CACNA2D3: variants seen among roughly 807,000 people sequenced by gnomAD.
The protein encoded by CACNA2D3 is voltage-dependent calcium channel subunit alpha-2/delta-3.
Under a neutral mutation model 160.6 loss-of-function variants are expected in CACNA2D3, and 60 were observed. The observed-to-expected ratio is 0.37, with a 90% CI of 0.30 to 0.46. The LOEUF is 0.46. Among genes scored for constraint, CACNA2D3 ranks in the 20% least tolerant of loss-of-function variants. The pLI, the probability that CACNA2D3 is intolerant of heterozygous loss-of-function variation, is 1.00. For synonymous variants in CACNA2D3, 558 were observed against 492.9 expected (o/e 1.13, Z -1.75); for missense variants, 1,205 against 1,365.0 (o/e 0.88, Z 1.85).
At chr3:54,836,520 C>A (rs1698693555) in intron 14 of CACNA2D3, among the ~76,000 whole-genome samples, 1 of 151,762 alleles carries the variant, frequency 6.6e-6, no homozygotes, top group Non-Finnish European at 1.5e-5. Context: ...AGATGTGAGC[C>A]ACCACGCCTG....
intron 5 of CACNA2D3, among the ~76,000 whole-genome samples, chr3:54,543,341 A>T (rs1004473022): frequency 6.6e-6 from 1 of 152,188 alleles, no homozygotes; most frequent in Admixed American, 6.5e-5. Context: ...TCACATCAGG[A>T]TTTTAACAGT....
At chr3:54,805,954 CAT>C (rs1314583089) in intron 13 of CACNA2D3, among the ~76,000 whole-genome samples, 4 of 152,100 alleles carry the variant, frequency 2.6e-5, no homozygotes, top group Non-Finnish European at 5.9e-5. Flanking sequence ...ACAAAAACCA[CAT>C]GATTATCTCA....
At chr3:55,031,594 C>G (rs1575443705) in intron 35 of CACNA2D3, among the ~76,000 whole-genome samples, 1 of 152,082 alleles carries the variant, frequency 6.6e-6, no homozygotes, top group East Asian at 1.9e-4. Context: ...TTTTCTTTCT[C>G]TTTAGTAACC....
At chr3:54,266,006 TG>T (rs1250528030) in intron 2 of CACNA2D3, among the ~76,000 whole-genome samples, 2 of 152,206 alleles carry the variant, frequency 1.3e-5, no homozygotes, top group African/African-American at 4.8e-5. Context: ...AAGCATTTGA[TG>T]GATGAAGGAC....
Position 54,636,469 on chromosome 3 carries a change from AG to A in CACNA2D3, c.1054-5657del, listed in dbSNP as rs1699373836. Among the ~76,000 whole-genome samples, 2 of 151,976 alleles carry A rather than the reference AG, an allele frequency of 1.3e-5. 1 individual carries two copies. The highest frequency in any genetic ancestry group is 4.1e-4 in the South Asian group (2 of 4,832). ...GCAGAAAGCATATGCGTCAGGTATG[AG>A]GAAGAAAATAGATTTTGGAAGTTAT... On this transcript the variant is annotated intron_variant, in intron 10 of 37. Coordinates refer to ENST00000474759, the MANE Select transcript of CACNA2D3 (RefSeq NM_018398.3).
At chr3:54,147,892 C>T (rs532829355) in intron 2 of CACNA2D3, among the ~76,000 whole-genome samples, 7 of 152,336 alleles carry the variant, frequency 4.6e-5, no homozygotes, top group Non-Finnish European at 7.3e-5. Flanking sequence ...CCACAACCTC[C>T]GCCTCCTGGG....
intron 27 of CACNA2D3, among the ~76,000 whole-genome samples, chr3:54,909,824 A>G (rs866154856): frequency 1.3e-5 from 2 of 152,002 alleles, no homozygotes; most frequent in Non-Finnish European, 2.9e-5. Context: ...GTAAAGGGAG[A>G]CTTCAAGGAG....
chr3:54,331,939 A>G (rs1447979873), intron 3 of CACNA2D3, among the ~76,000 whole-genome samples: 2 of 152,140 alleles, frequency 1.3e-5, no homozygotes, highest in Non-Finnish European at 2.9e-5. Flanking sequence ...CCCTCCCTCA[A>G]TCTACCCTGG....
At chr3:54,154,348 C>T (rs1168039595) in intron 2 of CACNA2D3, among the ~76,000 whole-genome samples, 2 of 152,100 alleles carry the variant, frequency 1.3e-5, no homozygotes, top group Admixed American at 1.3e-4. Flanking sequence ...CTTATTATTT[C>T]CATTTTACAA....
At chr3:55,028,144 A>T (rs1250659954) in intron 35 of CACNA2D3, among the ~76,000 whole-genome samples, 10 of 152,184 alleles carry the variant, frequency 6.6e-5, no homozygotes, top group African/African-American at 2.4e-4. Context: ...ATGGTTTCGT[A>T]TGGAAAATAC....
At chr3:54,991,689 A>T (rs1160313805) in intron 31 of CACNA2D3, among the ~76,000 whole-genome samples, 3 of 151,784 alleles carry the variant, frequency 2.0e-5, no homozygotes, top group Admixed American at 6.6e-5. Flanking sequence ...CCTTTGTGAT[A>T]CTCTGGACTT....
At chr3:54,316,348 C>G (rs1455427461) in intron 2 of CACNA2D3, among the ~76,000 whole-genome samples, 1 of 152,118 alleles carries the variant, frequency 6.6e-6, no homozygotes, top group Non-Finnish European at 1.5e-5. Flanking sequence ...ATGACTATCA[C>G]TGGGTCTTTG....
At chr3:54,507,954 T>C (rs1299269323) in intron 5 of CACNA2D3, among the ~76,000 whole-genome samples, 1 of 152,236 alleles carries the variant, frequency 6.6e-6, no homozygotes, top group Non-Finnish European at 1.5e-5. Flanking sequence ...ACTCAAGTGC[T>C]GTGGTCTGAA....
rs1575416935 is a variant in CACNA2D3 at position 54,365,634 on chromosome 3, T to C, written c.322-21081T>C. ...ATCCCAGCACTTTGGGAGGCCAAGG[T>C]GGGCAGATCACCTGAGATTGGGAGT... On this transcript the variant is annotated intron_variant, in intron 3 of 37. Coordinates refer to ENST00000474759, the MANE Select transcript of CACNA2D3 (RefSeq NM_018398.3). Among the ~76,000 whole-genome samples, 3 of 152,182 alleles carry C rather than the reference T, an allele frequency of 2.0e-5. No individual in the cohort carries two copies. In the East Asian group the frequency reaches 5.8e-4, roughly 30 times the overall value.
chr3:54,196,678 G>A (rs569857863), intron 2 of CACNA2D3, among the ~76,000 whole-genome samples: 18 of 152,308 alleles, frequency 1.2e-4, no homozygotes, highest in African/African-American at 4.1e-4. Context: ...CATTTAAATT[G>A]CGTTTTCTGT....
intron 32 of CACNA2D3, 55 bp downstream of exon 32, chr3:55,004,893 G>A: frequency 8.1e-7 from 1 of 1,230,918 alleles, no homozygotes; most frequent in Admixed American, 1.7e-5. Context: ...CTTTCTCCCT[G>A]TCTGAGTGTT....
intron 9 of CACNA2D3, among the ~76,000 whole-genome samples, chr3:54,601,148 T>G (rs34778042): frequency 0.094 from 14,351 of 152,150 alleles, 843 homozygotes; most frequent in South Asian, 0.19. Flanking sequence ...GCTTATCAAG[T>G]TGGTGGATGA....
intron 11 of CACNA2D3, among the ~76,000 whole-genome samples, chr3:54,715,746 A>G (rs1701039985): frequency 6.6e-6 from 1 of 152,196 alleles, no homozygotes; most frequent in Non-Finnish European, 1.5e-5. Context: ...ACAGTAGCAG[A>G]TATGTAATGG....
chr3:54,970,340 C>A (rs1341543971), intron 29 of CACNA2D3, among the ~76,000 whole-genome samples: 1 of 152,000 alleles, frequency 6.6e-6, no homozygotes, highest in Non-Finnish European at 1.5e-5. Context: ...CAAAATGTTT[C>A]TTTGTAGCAT....
Sources: gnomAD v4.1 joint callset for allele counts (sites outside exome capture counted in the v4.1 genomes callset) on GRCh38, gnomAD v4.1.1 for gene constraint, MANE v1.5 for transcripts, NCBI Gene and HGNC (gene_info 2026-07-23, HGNC 2026-07-21) for gene names.